Variants in SAMD11 observed in about 807,000 individuals in gnomAD.
SAMD11 encodes sterile alpha motif domain-containing protein 11.
In SAMD11, 77 loss-of-function variants were observed where a neutral mutation model predicts 64.4. The observed-to-expected ratio is 1.20, with a 90% CI of 0.99 to 1.44. SAMD11 has a LOEUF of 1.44. SAMD11 is among the 40% of genes most tolerant of loss of function. SAMD11 has a pLI of 0.00. For synonymous variants in SAMD11, 658 were observed against 421.9 expected, an observed-to-expected ratio of 1.56 and a Z score of -6.86; for missense variants, 1,402 against 943.3, an observed-to-expected ratio of 1.49 and a Z score of -6.37.
intron 4 of SAMD11, among the ~76,000 whole-genome samples, chr1:933,579 G>C (rs1200875721): frequency 6.6e-6 from 1 of 152,144 alleles, no homozygotes; most frequent in African/African-American, 2.4e-5. Context: ...CTCCATGGCA[G>C]CTGTGGCTAC....
At chr1:941,767 G>C (rs114982608) in intron 8 of SAMD11, among the ~76,000 whole-genome samples, 1 of 152,002 alleles carries the variant, frequency 6.6e-6, no homozygotes, top group African/African-American at 2.4e-5. Context: ...CCTGAGGCCC[G>C]AGTCCCTGCC....
chr1:935,476 G>T (rs990242981), intron 4 of SAMD11, among the ~76,000 whole-genome samples: 11 of 152,212 alleles, frequency 7.2e-5, no homozygotes, highest in African/African-American at 2.4e-4. Context: ...AGATAACTGT[G>T]ATTCCCTGTG....
chr1:938,551 TG>T (rs1278878356), intron 5 of SAMD11, among the ~76,000 whole-genome samples: 1 of 152,018 alleles, frequency 6.6e-6, no homozygotes, highest in Non-Finnish European at 1.5e-5. Context: ...CGAGGCGGCC[TG>T]GGGGGCCCAC....
rs895752688 is a variant in SAMD11 at position 924,569 on chromosome 1, C to T, written c.138C>T (p.Leu46=). 5 of 150,920 alleles carry T rather than the reference C, an allele frequency of 3.3e-5. No individual in the cohort carries two copies. Among genetic ancestry groups the T allele is most frequent in the African/African-American group, 1.2e-4 (5 of 41,182 alleles). 9.3% of individuals were successfully genotyped at this position (150,920 alleles called of 1,614,324 possible). ...CGCCACTGCCCGCGGCGGCCGCCCT[C>T]CCCCCGGCCGCCTCGCTGCCCGCCT... ...YLAPLPAAAA[L]PPAASLPASA... is the part of the protein sequence containing the mutation. Residue 46 remains leucine (L), a synonymous_variant, in exon 1 of 14, where the codon CTC becomes CTT. Coordinates refer to ENST00000616016, the MANE Select transcript of SAMD11 (RefSeq NM_001385641.1).
rs1299283879 is a variant in SAMD11, at chr1:942,773, T to A, written c.1768T>A (p.Ser590Thr). Reference sequence around the variant, plus strand: ...CGGACCCCCCACCCCGTCCCGGGACTCTGCCCGGCGAGCCCCCCGGAAGGG... The same window carrying A: ...CGGACCCCCCACCCCGTCCCGGGACACTGCCCGGCGAGCCCCCCGGAAGGG... ...GSGPPTPSRD[S>T]ARRAPRKGGP... Residue 590 changes from serine (S) to threonine (T), a missense_variant, in exon 11 of 14, where the codon TCT becomes ACT. Coordinates refer to ENST00000616016, the MANE Select transcript of SAMD11 (RefSeq NM_001385641.1). The A allele has an allele frequency of 2.1e-5, 32 of 1,535,486 alleles. No homozygotes were observed. The highest frequency in any genetic ancestry group is 2.6e-5 in the Non-Finnish European group (30 of 1,142,760).
Position 942,747 on chromosome 1 carries a change from C to T in SAMD11, c.1742C>T (p.Ser581Phe), listed in dbSNP as rs1411377302. 3 of 1,493,708 alleles carry T rather than the reference C, an allele frequency of 2.0e-6. No individual in the cohort carries two copies. The highest frequency in any genetic ancestry group is 2.7e-6 in the Non-Finnish European group (3 of 1,128,734). The allele number at this position is 1,493,708 out of a possible 1,614,324, so 92.5% of individuals were successfully genotyped here. The stretch of plus-strand genomic sequence containing the variant: ...CTGCCCCCCCAGGGGCCCCCGGGCT[C>T]CGGACCCCCCACCCCGTCCCGGGAC... ...LALPPQGPPG[S>F]GPPTPSRDSA... The change falls in exon 11 of 14, where the codon TCC (serine) becomes TTC (phenylalanine). Residue 581 changes from serine to phenylalanine, a missense_variant. By Grantham distance (155) the Ser-to-Phe change is radical. Transcript: ENST00000616016.
chr1:942,251 G>A lies in SAMD11; in HGVS notation c.1474G>A (p.Gly492Ser). 2 of 1,250,652 alleles carry A rather than the reference G, an allele frequency of 1.6e-6. No individual in the cohort carries two copies. The highest frequency in any genetic ancestry group is 2.1e-6 in the Non-Finnish European group (2 of 955,988). The allele number at this position is 1,250,652 out of a possible 1,614,324, so 77.5% of individuals were successfully genotyped here. ...GCCCTCGGCTCTGTGCCAGACCCCAGGTGAGGAGGCGGGTGCGCATCCCCT... is the reference window on the plus strand; with the variant it reads ...GCCCTCGGCTCTGTGCCAGACCCCAAGTGAGGAGGCGGGTGCGCATCCCCT... Reference protein sequence around the residue: ...GVPSALCQTPGYGFLPPAQAE... With the variant: ...GVPSALCQTPSYGFLPPAQAE... Residue 492 changes from glycine (G) to serine (S), a missense_variant and splice_region_variant, in exon 9 of 14, where the codon GGC becomes AGC. Coordinates refer to ENST00000616016, the MANE Select transcript of SAMD11 (RefSeq NM_001385641.1).
At chr1:943,572 T>A (rs1178404414) in intron 12 of SAMD11, 126 bp from the exon 13 acceptor site, 16 of 679,540 alleles carry the variant, frequency 2.4e-5, no homozygotes, top group African/African-American at 9.3e-5. Context: ...TGCCTGACAC[T>A]CAAACCCAAC....
intron 5 of SAMD11, among the ~76,000 whole-genome samples, chr1:937,280 G>A (rs1641506722): frequency 6.6e-6 from 1 of 152,156 alleles, no homozygotes; most frequent in Non-Finnish European, 1.5e-5. Context: ...TGGGCTGTGA[G>A]GGACTCAGAG....
intron 1 of SAMD11, 119 bp from the exon 2 acceptor site, chr1:925,803 G>T: frequency 1.4e-6 from 1 of 713,126 alleles, no homozygotes. Context: ...GGGCCGAGGT[G>T]GGTGTGGGGT....
chr1:942,598 G>A lies in SAMD11; in HGVS notation c.1593G>A (p.Leu531=), dbSNP rs781128456. 1,135 of 1,435,624 alleles carry A rather than the reference G, an allele frequency of 7.9e-4. No homozygotes were observed. The highest frequency in any genetic ancestry group is 9.6e-4 in the Non-Finnish European group (1,060 of 1,102,384). The allele number at this position is 1,435,624 out of a possible 1,614,324, so 88.9% of individuals were successfully genotyped here. The part of the protein sequence containing the change: ...LPADLLRQKE[L]ESARPQLLAP... Reference sequence around the variant, plus strand: ...CCGACCTCCTGCGGCAGAAGGAGCTGGAGAGCGCGCGCCCACAGCTGCTGG... The same window carrying A: ...CCGACCTCCTGCGGCAGAAGGAGCTAGAGAGCGCGCGCCCACAGCTGCTGG... Residue 531 remains leucine, a synonymous_variant, in exon 11 of 14, where the codon CTG becomes CTA. Coordinates refer to ENST00000616016, the MANE Select transcript of SAMD11 (RefSeq NM_001385641.1).
At chr1:935,509 C>T (rs1641385635) in intron 4 of SAMD11, among the ~76,000 whole-genome samples, 3 of 152,172 alleles carry the variant, frequency 2.0e-5, no homozygotes, top group Admixed American at 2.0e-4. Context: ...GCAGAGCCGG[C>T]TGGCTGCTCC....
intron 7 of SAMD11, 163 bp from the exon 8 acceptor site, chr1:940,981 T>G (rs1641729199): frequency 3.6e-6 from 2 of 561,702 alleles, no homozygotes; most frequent in Non-Finnish European, 6.1e-6. Context: ...GTCTCGGCCC[T>G]GTGGCCGCCC....
At chr1:930,751 T>G (rs1030686138) in intron 3 of SAMD11, among the ~76,000 whole-genome samples, 5 of 152,338 alleles carry the variant, frequency 3.3e-5, no homozygotes, top group African/African-American at 9.6e-5. Context: ...CTCCTCTGAG[T>G]GCACGGCAAC....
intron 2 of SAMD11, among the ~76,000 whole-genome samples, chr1:926,547 A>G (rs1640900328): frequency 6.6e-6 from 1 of 152,210 alleles, no homozygotes. Context: ...AGCCAGGGGC[A>G]GAGTCTTTGC....
chr1:935,241 AGCT>A (rs1641368873), intron 4 of SAMD11, among the ~76,000 whole-genome samples: 1 of 152,096 alleles, frequency 6.6e-6, no homozygotes, highest in Non-Finnish European at 1.5e-5. Context: ...GCCTGGTGCG[AGCT>A]GCACGTGTCT....
In SAMD11 at chr1:943,757, G is replaced by C; in HGVS notation, c.2238G>C (p.Leu746=). 1 of 1,611,372 alleles carries C rather than the reference G, an allele frequency of 6.2e-7. No homozygotes were observed. The highest frequency in any genetic ancestry group is 1.1e-5 in the South Asian group (1 of 91,008). Residue 746 remains leucine, a synonymous_variant, in exon 13 of 14, where the codon CTG becomes CTC. Transcript: ENST00000616016. The stretch of plus-strand genomic sequence containing the variant: ...TGCCACTGCTGACGGAGGAGCACCT[G>C]CTGACCAACATGGGGCTGAAGCTGG... The part of the protein sequence containing the change: ...ETLPLLTEEH[L]LTNMGLKLGP...
Position 944,471 on chromosome 1 carries a change from T to G in SAMD11, c.*318T>G. ...GGTCAGCTCCCCCGCGGAGCTGACT[T>G]CAGCAGCCCACAGCTGTGGGGCTTC... On this transcript the variant is annotated 3_prime_UTR_variant, in exon 14 of 14. Coordinates refer to ENST00000616016, the MANE Select transcript of SAMD11 (RefSeq NM_001385641.1). 1.4e-6 allele frequency: 1 copy of G among 726,988 alleles called. No individual in the cohort carries two copies. Among genetic ancestry groups the G allele is most frequent in the South Asian group, 2.1e-5 (1 of 46,556 alleles). The allele number at this position is 726,988 out of a possible 1,614,324, so 45.0% of individuals were successfully genotyped here.
rs60722469 is a variant in SAMD11, at chr1:931,131, CCCCT to C, written c.842+54_842+57del. 287 of 1,358,928 alleles carry C rather than the reference CCCCT, an allele frequency of 2.1e-4. 1 individual carries two copies. In the African/African-American group the frequency reaches 2.5e-3, roughly 12 times the overall value. The allele number at this position is 1,358,928 out of a possible 1,614,324, so 84.2% of individuals were successfully genotyped here. A position where few individuals can be genotyped will look rare whatever the true frequency, so the allele number is the denominator to read the frequency against. On this transcript the variant is annotated intron_variant, in intron 4 of 13. Transcript: ENST00000616016. ...GCGTGCATAAGAGGGGGCCGTGACT[CCCCT>C]CCCTCCCTCCCACCCCTGACCGTGC... is the stretch of plus-strand genomic sequence containing the variant.
Sources: gnomAD v4.1 joint callset for allele counts (sites outside exome capture counted in the v4.1 genomes callset) on GRCh38, gnomAD v4.1.1 for gene constraint, MANE v1.5 for transcripts, NCBI Gene and HGNC (gene_info 2026-07-23, HGNC 2026-07-21) for gene names.